The following STAG2 variants were observed in gnomAD, a reference collection of about 807,000 sequenced individuals.
STAG2 encodes the protein STAG2 cohesin complex component, also known as cohesin subunit SA-2.
STAG2 carries 14 observed loss-of-function variants against 108.1 expected under a neutral mutation model. The ratio of observed to expected loss-of-function variants is 0.13; its 90% confidence interval spans 0.09 to 0.20. The LOEUF (loss-of-function observed/expected upper bound fraction) is 0.20. Among genes scored for constraint, STAG2 ranks in the 10% least tolerant of loss-of-function variants. The probability of loss-of-function intolerance (pLI) is 1.00; values close to 1 mark genes in which losing one functional copy is unlikely to be tolerated. For missense variants in STAG2, 440 were observed against 940.9 expected (o/e 0.47, Z 6.96); for synonymous variants, 307 against 302.7 (o/e 1.01, Z -0.15).
chrX:124,014,979 C>T (rs758947225), intron 1 of STAG2, among the ~76,000 whole-genome samples: 25 of 44,505 alleles, frequency 5.6e-4, no homozygotes, highest in South Asian at 2.2e-3. Flanking sequence ...ACGTACTTTT[C>T]TTTTTTTTTT....
At chrX:124,016,321 A>G (rs763198731) in intron 1 of STAG2, among the ~76,000 whole-genome samples, 1 of 111,360 alleles carries the variant, frequency 9.0e-6, no homozygotes, top group East Asian at 2.8e-4. Flanking sequence ...TCACGTTTTA[A>G]CAGAGTACAT....
At chrX:123,966,778 C>G (rs2054113373) in intron 1 of STAG2, among the ~76,000 whole-genome samples, 1 of 111,912 alleles carries the variant, frequency 8.9e-6, no homozygotes, top group Non-Finnish European at 1.9e-5. Context: ...CTGTGGTAAT[C>G]TGCTACCTGA....
Position 124,061,463 on chromosome X carries a change from AGTTTT to A in STAG2, c.1534+128_1534+132del, listed in dbSNP as rs2058373446. 1.2e-5 allele frequency: 6 copies of A among 516,447 alleles called. No homozygotes were observed. In the South Asian group the frequency reaches 2.1e-4, roughly 18 times the overall value. The allele number at this position is 516,447 out of a possible 1,213,427, so 42.6% of individuals were successfully genotyped here. A position where few individuals can be genotyped will look rare whatever the true frequency, so the allele number is the denominator to read the frequency against. ...GATAGAAAAATCTTACTTCGTGCAT[AGTTTT>A]GTTTTCATATAAATATTATGCTATG... On this transcript the variant is annotated intron_variant, in intron 16 of 34. Coordinates refer to ENST00000371145, the MANE Select transcript of STAG2 (RefSeq NM_001042750.2).
At chrX:124,088,170 A>ATC (rs924260214) in intron 30 of STAG2, among the ~76,000 whole-genome samples, 2 of 110,783 alleles carry the variant, frequency 1.8e-5, no homozygotes, top group African/African-American at 6.6e-5. Context: ...GGGCCATCAA[A>ATC]TCTCTCTCTC....
intron 25 of STAG2, among the ~76,000 whole-genome samples, chrX:124,072,904 C>CTTTTTTTTT (rs779996801): frequency 4.4e-4 from 32 of 72,644 alleles, no homozygotes; most frequent in Non-Finnish European, 6.3e-4. Flanking sequence ...TTCTTTCTTT[C>CTTTTTTTTT]TTTTTTTTTT....
At chrX:123,989,232 T>C (rs2055331656) in intron 1 of STAG2, among the ~76,000 whole-genome samples, 2 of 104,050 alleles carry the variant, frequency 1.9e-5, no homozygotes, top group Non-Finnish European at 4.1e-5. Flanking sequence ...TGTGTAAAAA[T>C]AATGATCCCT....
At position 124,065,898 on chromosome X, in the gene STAG2, A is replaced by G; in HGVS notation, c.2048A>G (p.Asp683Gly). The G allele has an allele frequency of 8.5e-7, 1 of 1,174,362 alleles. No homozygotes were observed. Among genetic ancestry groups the G allele is most frequent in the Non-Finnish European group, 1.1e-6 (1 of 876,710 alleles). ...TAGGGTGAAGAACCTGATGAAGATG[A>G]TGCATATCAGGTATTGTCAACATTG... ...LQEGEEPDEDDAYQVLSTLKR... is the reference protein window; with the variant it reads ...LQEGEEPDEDGAYQVLSTLKR... The change falls in exon 21 of 35, where the codon GAT (aspartate) becomes GGT (glycine). Residue 683 changes from aspartate to glycine, a missense_variant. Physicochemically the swap from Asp to Gly is moderately conservative, Grantham distance 94. Coordinates refer to ENST00000371145, the MANE Select transcript of STAG2 (RefSeq NM_001042750.2).
intron 1 of STAG2, among the ~76,000 whole-genome samples, chrX:124,006,163 CAATT>C (rs1694251780): frequency 9.0e-6 from 1 of 111,389 alleles, no homozygotes; most frequent in Admixed American, 9.6e-5. Context: ...TTGGGAGACA[CAATT>C]AAACCCATAG....
chrX:123,967,529 G>A (rs1602614177), intron 1 of STAG2, among the ~76,000 whole-genome samples: 1 of 111,377 alleles, frequency 9.0e-6, no homozygotes, highest in South Asian at 3.7e-4. Flanking sequence ...GCCTTCCAAA[G>A]TTCTGGGATT....
chrX:124,097,438 G>C (rs1197532805), intron 34 of STAG2, among the ~76,000 whole-genome samples: 1 of 111,354 alleles, frequency 9.0e-6, no homozygotes, highest in East Asian at 2.8e-4. Flanking sequence ...CATGGAGGTA[G>C]TGATTGTGAT....
chrX:123,974,460 A>G (rs1341750389), intron 1 of STAG2, among the ~76,000 whole-genome samples: 1 of 108,770 alleles, frequency 9.2e-6, no homozygotes, highest in African/African-American at 3.4e-5. Context: ...TCCTGAGCTC[A>G]AGTGATAACA....
At chrX:124,055,510 G>A (rs2058170473) in intron 13 of STAG2, among the ~76,000 whole-genome samples, 2 of 112,480 alleles carry the variant, frequency 1.8e-5, no homozygotes, top group Admixed American at 9.4e-5. Context: ...ATGATTTATC[G>A]AAAATATTTT....
chrX:124,081,446 A>G lies in STAG2; in HGVS notation c.2842A>G (p.Ile948Val), dbSNP rs1490868348. The G allele has an allele frequency of 5.0e-6, 6 of 1,194,929 alleles. No homozygotes were observed. The Admixed American group carries it at 1.1e-4, about 22-fold the overall frequency. The change falls in exon 28 of 35, where the codon ATA becomes GTA. Residue 948 changes from isoleucine (I) to valine (V), a missense_variant. Transcript: ENST00000371145. Reference protein sequence around the residue: ...FDRSSSTFSGIKELARRFALT... With the variant: ...FDRSSSTFSGVKELARRFALT... ...TAGATCATCCTCTACATTTAGTGGC[A>G]TAAAAGAACTTGCTCGACGTTTTGC...
chrX:124,009,270 G>A (rs2147900601), intron 1 of STAG2, among the ~76,000 whole-genome samples: 1 of 110,243 alleles, frequency 9.1e-6, no homozygotes, highest in East Asian at 2.8e-4. Context: ...AAAAACTTCA[G>A]TCATCTTAGA....
intron 32 of STAG2, among the ~76,000 whole-genome samples, chrX:124,091,628 G>T (rs1038076779): frequency 2.7e-5 from 3 of 111,999 alleles, no homozygotes; most frequent in Non-Finnish European, 3.8e-5. Context: ...TGAAGCTTTG[G>T]TCATCTATGC....
intron 34 of STAG2, among the ~76,000 whole-genome samples, chrX:124,098,532 C>G (rs1055156756): frequency 1.8e-5 from 2 of 111,357 alleles, no homozygotes; most frequent in Admixed American, 1.9e-4. Context: ...GCCCATAATA[C>G]CGGAGTCATC....
At chrX:124,081,825 C>A (rs957578160) in intron 28 of STAG2, among the ~76,000 whole-genome samples, 3 of 110,862 alleles carry the variant, frequency 2.7e-5, no homozygotes, top group Admixed American at 9.6e-5. Context: ...CATGGTGAAA[C>A]CCGTCTCTAC....
At chrX:123,961,882 T>G (rs1381266680) in intron 1 of STAG2, 26 bp downstream of exon 1, 1 of 111,917 alleles carries the variant, frequency 8.9e-6, no homozygotes, top group Non-Finnish European at 1.9e-5. Context: ...GCAACAATTT[T>G]CTAAATTGGC....
At chrX:123,993,990 T>C (rs1296591032) in intron 1 of STAG2, among the ~76,000 whole-genome samples, 1 of 111,685 alleles carries the variant, frequency 9.0e-6, no homozygotes, top group East Asian at 2.8e-4. Flanking sequence ...TCTTAGTCCA[T>C]TTGTGTTTTG....
Sources: gnomAD v4.1 joint callset for allele counts (sites outside exome capture counted in the v4.1 genomes callset) on GRCh38, gnomAD v4.1.1 for gene constraint, MANE v1.5 for transcripts, NCBI Gene and HGNC (gene_info 2026-07-23, HGNC 2026-07-21) for gene names.